The following NEK10 variants were observed in gnomAD, a reference collection of about 807,000 sequenced individuals.
NEK10 encodes the protein NIMA related kinase 10, also known as serine/threonine-protein kinase Nek10.
NEK10 carries 122 observed loss-of-function variants against 159.8 expected under a neutral mutation model. The ratio of observed to expected loss-of-function variants is 0.76; its 90% CI spans 0.66 to 0.89. The LOEUF (loss-of-function observed/expected upper bound fraction) is 0.89. Among genes scored for constraint, NEK10 ranks in the 40% least tolerant of loss-of-function variants. NEK10 has a pLI of 0.00. For synonymous variants in NEK10, 466 were observed against 457.1 expected, an observed-to-expected ratio of 1.02 and a Z score of -0.25; for missense variants, 1,342 against 1,323.1, an observed-to-expected ratio of 1.01 and a Z score of -0.22.
At chr3:27,208,016 T>C (rs1950668891) in intron 23 of NEK10, among the ~76,000 whole-genome samples, 1 of 152,194 alleles carries the variant, frequency 6.6e-6, no homozygotes, top group East Asian at 1.9e-4. Context: ...TGTGTGTGTG[T>C]GTATTTTTGT....
chr3:27,326,613 G>A (rs1379768384), intron 5 of NEK10, among the ~76,000 whole-genome samples: 2 of 152,058 alleles, frequency 1.3e-5, no homozygotes, highest in South Asian at 2.1e-4. Context: ...AACTAATAAA[G>A]AAGTGTATAT....
At chr3:27,116,474 TA>T (rs1444603024) in intron 33 of NEK10, among the ~76,000 whole-genome samples, 1 of 152,014 alleles carries the variant, frequency 6.6e-6, no homozygotes, top group Non-Finnish European at 1.5e-5. Flanking sequence ...GTTTTCTGAT[TA>T]AGAAACTCTC....
intron 1 of NEK10, among the ~76,000 whole-genome samples, chr3:27,361,558 A>G (rs1458791655): frequency 2.0e-5 from 3 of 152,202 alleles, no homozygotes; most frequent in African/African-American, 7.2e-5. Context: ...ATATTTATTC[A>G]TTACTCCAAG....
At chr3:27,258,475 GT>G (rs1198579126) in intron 22 of NEK10, among the ~76,000 whole-genome samples, 2 of 150,946 alleles carry the variant, frequency 1.3e-5, no homozygotes, top group Non-Finnish European at 2.9e-5. Context: ...GCGGTGTTTG[GT>G]TTTTTGTTCT....
At chr3:27,164,238 G>C (rs1236411811) in intron 29 of NEK10, among the ~76,000 whole-genome samples, 1 of 152,198 alleles carries the variant, frequency 6.6e-6, no homozygotes, top group African/African-American at 2.4e-5. Context: ...GAGGCATGAT[G>C]ACAGCAGTGC....
intron 25 of NEK10, among the ~76,000 whole-genome samples, chr3:27,201,161 G>A (rs1056580289): frequency 6.6e-6 from 1 of 152,042 alleles, no homozygotes; most frequent in African/African-American, 2.4e-5. Context: ...GTTCTTGTCT[G>A]GCCTTTTTCC....
intron 23 of NEK10, among the ~76,000 whole-genome samples, chr3:27,206,085 C>T (rs1053656028): frequency 6.6e-6 from 1 of 152,180 alleles, no homozygotes; most frequent in African/African-American, 2.4e-5. Flanking sequence ...GCCCTCATGA[C>T]CTAATCACCT....
At chr3:27,340,399 C>T (rs1241392303) in intron 5 of NEK10, among the ~76,000 whole-genome samples, 1 of 152,118 alleles carries the variant, frequency 6.6e-6, no homozygotes, top group Non-Finnish European at 1.5e-5. Context: ...GGACAAACAC[C>T]TAATGCATGT....
chr3:27,365,610 G>GTTTTTTTTTTT (rs71091129), intron 1 of NEK10, among the ~76,000 whole-genome samples: 28 of 99,116 alleles, frequency 2.8e-4, no homozygotes, highest in East Asian at 6.7e-4. Context: ...TTTTTTTTGT[G>GTTTTTTTTTTT]TTTTTTTTTT....
chr3:27,348,576 C>T (rs540933193), intron 3 of NEK10, among the ~76,000 whole-genome samples: 3 of 152,276 alleles, frequency 2.0e-5, no homozygotes, highest in African/African-American at 7.2e-5. Flanking sequence ...TCTGATCTCT[C>T]CACACCTGGG....
intron 26 of NEK10, among the ~76,000 whole-genome samples, chr3:27,176,653 G>A (rs1947536359): frequency 6.6e-6 from 1 of 152,104 alleles, no homozygotes; most frequent in Admixed American, 6.6e-5. Context: ...CTCAACTGAA[G>A]TCATTAGAAA....
chr3:27,352,454 GA>G lies in NEK10; in HGVS notation c.132+10del. ...TTTTATTACCAAGTGAACATTCTTTGAAAACGCTACCTGTTGTTTGCTTGAT... is the reference window on the plus strand; with the variant it reads ...TTTTATTACCAAGTGAACATTCTTTGAAACGCTACCTGTTGTTTGCTTGAT... On this transcript the variant is annotated intron_variant, in intron 3 of 35. Coordinates refer to ENST00000691995, the MANE Select transcript of NEK10 (RefSeq NM_001394966.1). 2.5e-6 allele frequency: 4 copies of G among 1,597,310 alleles called. No individual in the cohort carries two copies. The highest frequency in any genetic ancestry group is 3.4e-6 in the Non-Finnish European group (4 of 1,165,046).
intron 22 of NEK10, among the ~76,000 whole-genome samples, chr3:27,276,292 C>A (rs1264390821): frequency 6.6e-6 from 1 of 151,970 alleles, no homozygotes; most frequent in East Asian, 1.9e-4. Flanking sequence ...ATGAGACAGG[C>A]AAGCCCAGTG....
intron 13 of NEK10, among the ~76,000 whole-genome samples, chr3:27,297,659 G>A (rs924254376): frequency 1.3e-5 from 2 of 152,210 alleles, no homozygotes; most frequent in African/African-American, 4.8e-5. Flanking sequence ...ATAAGAGTAT[G>A]CACTGTGATT....
chr3:27,347,976 T>A (rs1003944072), intron 3 of NEK10, among the ~76,000 whole-genome samples: 3 of 152,216 alleles, frequency 2.0e-5, no homozygotes, highest in Admixed American at 2.0e-4. Context: ...ACACTTGTTA[T>A]GTGTCAAGCA....
In NEK10 at chr3:27,204,275, CTTT is replaced by C. The variant is rs1203026508; in HGVS notation, c.2091-1721_2091-1719del. Among the ~76,000 whole-genome samples, 477 of 64,034 alleles carry C rather than the reference CTTT, an allele frequency of 7.4e-3. 2 individuals are homozygous for C. Among genetic ancestry groups the C allele is most frequent in the African/African-American group, 0.024 (436 of 18,084 alleles). 42.0% of individuals were successfully genotyped at this position (64,034 alleles called of 152,430 possible). A position where few individuals can be genotyped will look rare whatever the true frequency, so the allele number is the denominator to read the frequency against. On this transcript the variant is annotated intron_variant, in intron 23 of 35. Transcript: ENST00000691995. ...ATTTTCTCCTCAAAAGATAAATTTT[CTTT>C]TTTTTTTTTTTTTTTTGTTGTTGTT...
At chr3:27,353,096 G>A (rs776840101) in intron 1 of NEK10, among the ~76,000 whole-genome samples, 177 bp from the exon 2 acceptor site, 3 of 152,056 alleles carry the variant, frequency 2.0e-5, no homozygotes, top group Non-Finnish European at 4.4e-5. Context: ...TCATTCAAAG[G>A]ACATTGGGAA....
At chr3:27,291,230 G>C (rs2042971306) in intron 18 of NEK10, 32 bp downstream of exon 18, 2 of 1,599,634 alleles carry the variant, frequency 1.3e-6, no homozygotes, top group Non-Finnish European at 1.7e-6. Flanking sequence ...TTGGTTGGGA[G>C]TATCAGAAAT....
intron 30 of NEK10, among the ~76,000 whole-genome samples, chr3:27,151,194 C>G (rs1224469314): frequency 1.3e-5 from 2 of 152,130 alleles, no homozygotes; most frequent in Non-Finnish European, 2.9e-5. Flanking sequence ...GGAAGGAGGC[C>G]AACCAGCACA....
Sources: gnomAD v4.1 joint callset for allele counts (sites outside exome capture counted in the v4.1 genomes callset) on GRCh38, gnomAD v4.1.1 for gene constraint, MANE v1.5 for transcripts, NCBI Gene and HGNC (gene_info 2026-07-23, HGNC 2026-07-21) for gene names.